The following HMCN1 variants were observed in gnomAD, a reference collection of about 807,000 sequenced individuals.
The protein encoded by HMCN1 is hemicentin 1, also known as hemicentin-1.
Under a neutral mutation model 625.9 loss-of-function variants are expected in HMCN1, and 321 were observed. The observed-to-expected ratio is 0.51, with a 90% CI of 0.47 to 0.56. The LOEUF is 0.56. Ranked by LOEUF, HMCN1 falls within the 20% of genes least tolerant of loss-of-function variation. HMCN1 has a pLI of 0.00. For missense variants in HMCN1, 6,588 were observed against 6,887.3 expected (o/e 0.96, Z 1.54); for synonymous variants, 2,425 against 2,417.6 (o/e 1.00, Z -0.09).
At chr1:185,823,598 C>T (rs1660331397) in intron 1 of HMCN1, among the ~76,000 whole-genome samples, 2 of 152,140 alleles carry the variant, frequency 1.3e-5, no homozygotes, top group African/African-American at 4.8e-5. Flanking sequence ...TCCCAAGTGG[C>T]CATCTCTTGG....
chr1:185,892,393 T>C (rs1300173932), intron 4 of HMCN1, among the ~76,000 whole-genome samples: 1 of 151,766 alleles, frequency 6.6e-6, no homozygotes, highest in Non-Finnish European at 1.5e-5. Context: ...CGCTCTGATT[T>C]TTAGAGTTTC....
At chr1:186,171,485 C>A (rs974214462) in intron 101 of HMCN1, 35 bp downstream of exon 101, 2 of 1,412,574 alleles carry the variant, frequency 1.4e-6, no homozygotes, top group South Asian at 1.2e-5. Context: ...AGGAATGACA[C>A]CTCTATAACT....
rs781229770 is a variant in HMCN1 at position 186,187,958 on chromosome 1, A to G, written c.16490A>G (p.Gln5497Arg). The G allele has an allele frequency of 6.2e-6, 10 of 1,613,866 alleles. No individual in the cohort carries two copies. The highest frequency in any genetic ancestry group is 1.7e-5 in the Admixed American group (1 of 60,000). ...RMCFNMRGSY[Q>R]CIDTPCPPNY... ...TGCTTCAACATGAGAGGAAGCTACCAGTGCATCGATACACCCTGTCCACCC... is the reference window on the plus strand; with the variant it reads ...TGCTTCAACATGAGAGGAAGCTACCGGTGCATCGATACACCCTGTCCACCC... Residue 5497 changes from glutamine to arginine, a missense_variant, in exon 106 of 107, where the codon CAG (glutamine) becomes CGG (arginine). By Grantham distance (43) the Gln-to-Arg change is conservative (BLOSUM62 1). Around this residue, in one of 3 missense-constraint regions of HMCN1, gnomAD observed 1,954 missense variants for 2,013.1 expected, o/e 0.97. Coordinates refer to ENST00000271588, the MANE Select transcript of HMCN1 (RefSeq NM_031935.3).
chr1:185,747,520 A>C (rs1355591232), intron 1 of HMCN1, among the ~76,000 whole-genome samples: 1 of 151,980 alleles, frequency 6.6e-6, no homozygotes, highest in Non-Finnish European at 1.5e-5. Flanking sequence ...GGGTTTCACC[A>C]TGTTGGCCAG....
At chr1:186,161,731 G>C (rs1046581720) in intron 97 of HMCN1, among the ~76,000 whole-genome samples, 3 of 152,088 alleles carry the variant, frequency 2.0e-5, no homozygotes, top group Non-Finnish European at 4.4e-5. Context: ...TTTTCTTTAA[G>C]AATGTTGAAT....
At chr1:186,094,430 C>T (rs775016625) in intron 67 of HMCN1, 57 bp downstream of exon 67, 35 of 1,306,002 alleles carry the variant, frequency 2.7e-5, no homozygotes, top group Non-Finnish European at 3.2e-5. Flanking sequence ...AAGCAACAGA[C>T]TTATCTTTAG....
chr1:185,868,664 C>T (rs1375230842), intron 4 of HMCN1, among the ~76,000 whole-genome samples: 2 of 152,044 alleles, frequency 1.3e-5, no homozygotes, highest in Non-Finnish European at 2.9e-5. Flanking sequence ...TATTAATTAC[C>T]CAGTCTTCGG....
chr1:185,801,400 T>C (rs537180885), intron 1 of HMCN1, among the ~76,000 whole-genome samples: 1 of 152,216 alleles, frequency 6.6e-6, no homozygotes, highest in Admixed American at 6.5e-5. Flanking sequence ...TTCAGTACTC[T>C]AGGTTTGTAG....
intron 74 of HMCN1, 38 bp from the exon 75 acceptor site, chr1:186,115,220 T>G: frequency 1.9e-6 from 3 of 1,611,780 alleles, no homozygotes; most frequent in Non-Finnish European, 2.5e-6. Context: ...CGCTATTTGC[T>G]GACTGTGTTT....
intron 105 of HMCN1, 46 bp downstream of exon 105, chr1:186,182,333 C>G: frequency 6.2e-7 from 1 of 1,610,470 alleles, no homozygotes; most frequent in Non-Finnish European, 8.5e-7. Flanking sequence ...TGACTAAAAA[C>G]CAACAGAGAG....
chr1:185,912,530 G>A (rs547689258), intron 6 of HMCN1, among the ~76,000 whole-genome samples: 5 of 152,078 alleles, frequency 3.3e-5, no homozygotes, highest in African/African-American at 1.2e-4. Flanking sequence ...CAGATTTTGT[G>A]TGTGTCCCAC....
In HMCN1 at chr1:185,841,499, T is replaced by C. The variant is rs377497339; in HGVS notation, c.269-4527T>C. On this transcript the variant is annotated intron_variant, in intron 1 of 106. Coordinates refer to ENST00000271588, the MANE Select transcript of HMCN1 (RefSeq NM_031935.3). ...TAGCTATAGCATTGAGGCTCCGTGA[T>C]GTAGTGATAAAGCAAGAAATAAAGA... Among the ~76,000 whole-genome samples, 20 of 152,324 alleles carry C rather than the reference T, an allele frequency of 1.3e-4. No individual in the cohort carries two copies. In the East Asian group the frequency reaches 2.9e-3, roughly 22 times the overall value.
chr1:185,905,783 G>A (rs1411948425), intron 4 of HMCN1, among the ~76,000 whole-genome samples: 1 of 151,744 alleles, frequency 6.6e-6, no homozygotes, highest in Non-Finnish European at 1.5e-5. Flanking sequence ...AGGGAATTAT[G>A]TAAAAATATA....
At chr1:186,077,757 A>G (rs923005076) in intron 54 of HMCN1, among the ~76,000 whole-genome samples, 4 of 152,352 alleles carry the variant, frequency 2.6e-5, no homozygotes, top group Middle Eastern at 3.4e-3. Context: ...CTTGCAGCAA[A>G]TGGTGTAAAC....
At chr1:186,093,111 C>T (rs375751260) in intron 64 of HMCN1, 23 bp from the exon 65 acceptor site, 1 of 1,612,908 alleles carries the variant, frequency 6.2e-7, no homozygotes, top group Non-Finnish European at 8.5e-7. Context: ...ATCTCAGCCC[C>T]TCTGTTATGA....
At chr1:185,787,651 T>C (rs977696157) in intron 1 of HMCN1, among the ~76,000 whole-genome samples, 2 of 147,468 alleles carry the variant, frequency 1.4e-5, no homozygotes, top group African/African-American at 5.4e-5. Flanking sequence ...ACTGAAATCT[T>C]GAGTTAAGTT....
At chr1:185,755,856 C>A (rs904536167) in intron 1 of HMCN1, among the ~76,000 whole-genome samples, 6 of 152,126 alleles carry the variant, frequency 3.9e-5, no homozygotes, top group African/African-American at 1.4e-4. Context: ...GTTCTTTTCC[C>A]AGTGTTACGG....
chr1:185,915,824 C>G (rs1666667732), intron 6 of HMCN1, among the ~76,000 whole-genome samples: 1 of 152,036 alleles, frequency 6.6e-6, no homozygotes, highest in African/African-American at 2.4e-5. Context: ...TTCCTGGTGA[C>G]TCTTATGAAT....
At chr1:185,882,139 T>C (rs192572019) in intron 4 of HMCN1, among the ~76,000 whole-genome samples, 89 of 152,310 alleles carry the variant, frequency 5.8e-4, no homozygotes, top group Non-Finnish European at 1.1e-3. Context: ...ATTTTTGTTT[T>C]AGGAGATTAG....
Sources: gnomAD v4.1 joint callset for allele counts (sites outside exome capture counted in the v4.1 genomes callset) on GRCh38, gnomAD v4.1.1 for gene constraint, gnomAD v4.1.1 regional missense constraint, MANE v1.5 for transcripts, NCBI Gene and HGNC (gene_info 2026-07-23, HGNC 2026-07-21) for gene names.